The following RPS6KC1 variants were observed in gnomAD, a reference collection of about 807,000 sequenced individuals.
RPS6KC1 encodes the protein ribosomal protein S6 kinase C1.
RPS6KC1 carries 54 observed loss-of-function variants against 103.8 expected under a neutral mutation model. The ratio of observed to expected loss-of-function variants is 0.52; its 90% confidence interval spans 0.42 to 0.65. The LOEUF is 0.65. Ranked by LOEUF, RPS6KC1 falls within the 30% of genes least tolerant of loss-of-function variation. The pLI is 0.00. For missense variants in RPS6KC1, 1,151 were observed against 1,253.8 expected, an observed-to-expected ratio of 0.92 and a Z score of 1.24; for synonymous variants, 439 against 438.7, an observed-to-expected ratio of 1.00 and a Z score of -0.01.
intron 8 of RPS6KC1, among the ~76,000 whole-genome samples, chr1:213,204,709 G>T (rs559182389): frequency 6.8e-6 from 1 of 147,202 alleles, no homozygotes; most frequent in Non-Finnish European, 1.5e-5. Context: ...CTGCAGTCCC[G>T]ACGTCTTGGG....
Position 213,097,147 on chromosome 1 carries a change from A to T in RPS6KC1, c.263-7307A>T, listed in dbSNP as rs2081535261. 2.6e-5 allele frequency among the ~76,000 whole-genome samples: 4 copies of T among 152,154 alleles called. No homozygotes were observed. In the South Asian group the frequency reaches 8.3e-4, roughly 32 times the overall value. On this transcript the variant is annotated intron_variant, in intron 3 of 14. Transcript: ENST00000366960. ...AAGGCGGGTGGATCACGAGGTCAGG[A>T]GTTCAAGACCAGCCTGGCCAACATG...
chr1:213,397,588 T>C, the RPS6KC1 span, among the ~76,000 whole-genome samples: 577 of 140,424 alleles, frequency 4.1e-3, 2 homozygotes, highest in African/African-American at 0.012. Context: ...CAGGAACACA[T>C]ACACACACAC....
the RPS6KC1 span, among the ~76,000 whole-genome samples, chr1:213,685,493 G>T: frequency 9.2e-5 from 14 of 152,072 alleles, no homozygotes; most frequent in African/African-American, 3.4e-4. Context: ...AGCCAGGCTT[G>T]CTGGCAGGAG....
At chr1:213,602,526 C>A in the RPS6KC1 span, among the ~76,000 whole-genome samples, 20 of 152,134 alleles carry the variant, frequency 1.3e-4, no homozygotes, top group African/African-American at 4.3e-4. Context: ...AGCCATTGCG[C>A]CCGGCCTGGT....
chr1:213,319,511 G>A, the RPS6KC1 span, among the ~76,000 whole-genome samples: 1 of 152,152 alleles, frequency 6.6e-6, no homozygotes, highest in Non-Finnish European at 1.5e-5. Context: ...AGTTACTATG[G>A]TTATTATTGC....
chr1:213,812,928 G>A, the RPS6KC1 span, among the ~76,000 whole-genome samples: 1 of 152,108 alleles, frequency 6.6e-6, no homozygotes, highest in East Asian at 1.9e-4. Flanking sequence ...CATGAAGAGA[G>A]GCTTTACAAT....
At chr1:213,243,656 A>G (rs956850882) in intron 12 of RPS6KC1, among the ~76,000 whole-genome samples, 1 of 152,182 alleles carries the variant, frequency 6.6e-6, no homozygotes. Flanking sequence ...ATGGGGCTGT[A>G]TTATGAATCC....
chr1:213,339,429 C>T, the RPS6KC1 span, among the ~76,000 whole-genome samples: 1 of 152,192 alleles, frequency 6.6e-6, no homozygotes, highest in African/African-American at 2.4e-5. Flanking sequence ...CCCAGCTGAG[C>T]CTGGTCCAAA....
At chr1:213,139,971 T>C (rs1421502462) in intron 6 of RPS6KC1, among the ~76,000 whole-genome samples, 2 of 152,134 alleles carry the variant, frequency 1.3e-5, no homozygotes, top group African/African-American at 4.8e-5. Flanking sequence ...CTTTTATCCA[T>C]GAGCATGGAA....
the RPS6KC1 span, among the ~76,000 whole-genome samples, chr1:213,621,399 G>A: frequency 7.5e-6 from 1 of 133,636 alleles, no homozygotes; most frequent in Non-Finnish European, 1.6e-5. Flanking sequence ...ATAAGGGCAG[G>A]GAAAGCAGGA....
chr1:213,455,899 C>T, the RPS6KC1 span, among the ~76,000 whole-genome samples: 1 of 152,196 alleles, frequency 6.6e-6, no homozygotes, highest in South Asian at 2.1e-4. Context: ...TGACACTCCA[C>T]TGCTTGAACA....
At chr1:213,831,091 T>A in the RPS6KC1 span, among the ~76,000 whole-genome samples, 1 of 152,186 alleles carries the variant, frequency 6.6e-6, no homozygotes, top group African/African-American at 2.4e-5. Context: ...GATTCTTCCT[T>A]CTGCCTGGCC....
chr1:213,132,316 T>C (rs1277284391), intron 6 of RPS6KC1, among the ~76,000 whole-genome samples: 1 of 152,272 alleles, frequency 6.6e-6, no homozygotes, highest in South Asian at 2.1e-4. Flanking sequence ...AATAACTGAC[T>C]AAATTGATTT....
intron 6 of RPS6KC1, among the ~76,000 whole-genome samples, chr1:213,140,186 T>C (rs1435130761): frequency 6.6e-6 from 1 of 152,150 alleles, no homozygotes; most frequent in Non-Finnish European, 1.5e-5. Flanking sequence ...TTTTGTGCAT[T>C]GATTTTTGTA....
At chr1:213,341,231 C>T in the RPS6KC1 span, among the ~76,000 whole-genome samples, 2 of 152,316 alleles carry the variant, frequency 1.3e-5, no homozygotes, top group South Asian at 4.1e-4. Context: ...CCTATACCAC[C>T]TTCTCAATTA....
At chr1:213,375,568 G>A in the RPS6KC1 span, among the ~76,000 whole-genome samples, 2 of 152,158 alleles carry the variant, frequency 1.3e-5, no homozygotes, top group African/African-American at 4.8e-5. Context: ...CATGTTGAGG[G>A]ATGTAGGAGA....
chr1:213,667,553 T>A, the RPS6KC1 span, among the ~76,000 whole-genome samples: 1 of 152,238 alleles, frequency 6.6e-6, no homozygotes, highest in East Asian at 1.9e-4. Context: ...AGGTCTTGCC[T>A]TGACGTTGAT....
the RPS6KC1 span, among the ~76,000 whole-genome samples, chr1:213,284,162 C>T: frequency 6.6e-6 from 1 of 151,980 alleles, no homozygotes; most frequent in African/African-American, 2.4e-5. Flanking sequence ...GTTGACAACT[C>T]AGGAAAAAAT....
At chr1:213,678,222 A>G in the RPS6KC1 span, among the ~76,000 whole-genome samples, 5 of 152,228 alleles carry the variant, frequency 3.3e-5, no homozygotes, top group East Asian at 9.6e-4. Context: ...GAAACAATAG[A>G]TCACATAGGA....
Sources: gnomAD v4.1 joint callset for allele counts (sites outside exome capture counted in the v4.1 genomes callset) on GRCh38, gnomAD v4.1.1 for gene constraint, MANE v1.5 for transcripts, NCBI Gene and HGNC (gene_info 2026-07-23, HGNC 2026-07-21) for gene names.